IDS: variants seen among roughly 807,000 people sequenced by gnomAD.
The protein encoded by IDS is iduronate 2-sulfatase, also known as alpha-L-iduronate sulfate sulfatase.
IDS carries 1 observed loss-of-function variant against 33.5 expected under a neutral mutation model. That is an observed-to-expected ratio of 0.03 (90% CI 0.01 to 0.14). The LOEUF is 0.14. IDS is among the 10% of genes least tolerant of loss of function. The pLI, the probability that IDS is intolerant of heterozygous loss-of-function variation, is 1.00. For synonymous variants in IDS, 191 were observed against 184.4 expected (o/e 1.04, Z -0.29); for missense variants, 328 against 448.0 (o/e 0.73, Z 2.42).
At chrX:149,500,888 T>C in intron 4 of IDS, 61 bp downstream of exon 4, 1 of 698,123 alleles carries the variant, frequency 1.4e-6, no homozygotes, top group Non-Finnish European at 2.3e-6. Flanking sequence ...GTATACCCAG[T>C]AGTTTATGTG....
At chrX:149,496,572 T>C in intron 5 of IDS, 56 bp from the exon 6 acceptor site, 2 of 1,140,172 alleles carry the variant, frequency 1.8e-6, no homozygotes, top group Non-Finnish European at 2.4e-6. Flanking sequence ...AAGCACAAGC[T>C]TGTGGCTCTA....
In IDS at chrX:149,498,298, C is replaced by T. The variant is rs144334959; in HGVS notation, c.517G>A (p.Gly173Arg). The change falls in exon 5 of 9, where the codon GGG (glycine) becomes AGG (arginine). Residue 173 changes from glycine (G) to arginine (R), a missense_variant. Around this residue, in one of 4 missense-constraint regions of IDS, gnomAD observed 265 missense variants for 339.2 expected, o/e 0.78. Coordinates refer to ENST00000340855, the MANE Select transcript of IDS (RefSeq NM_000202.8). ...TTGGCATGGAGTTCTCCATCTGGCC[C>T]TCGACATGTCTTTCAAAACAAAATA... ...EKYENTKTCR[G>R]PDGELHANLL... The T allele has an allele frequency of 7.5e-6, 9 of 1,207,021 alleles. No individual in the cohort carries two copies. The highest frequency in any genetic ancestry group is 7.0e-5 in the African/African-American group (4 of 57,190).
At position 149,481,367 on chromosome X, in the gene IDS, T is replaced by G. The variant is rs1557337419; in HGVS notation, c.*1379A>C. The G allele has an allele frequency of 1.8e-5, 2 of 112,632 alleles. No homozygotes were observed. The highest frequency in any genetic ancestry group is 6.5e-5 in the African/African-American group (2 of 30,959). 9.3% of individuals were successfully genotyped at this position (112,632 alleles called of 1,213,427 possible). A position where few individuals can be genotyped will look rare whatever the true frequency, so the allele number is the denominator to read the frequency against. On this transcript the variant is annotated 3_prime_UTR_variant, in exon 9 of 9. Coordinates refer to ENST00000340855, the MANE Select transcript of IDS (RefSeq NM_000202.8). ...TGTAGGCTAATTAATTTTTAAAATC[T>G]GTCTAAAATTTACTGATTTTAATAT...
intron 8 of IDS, among the ~76,000 whole-genome samples, chrX:149,485,204 G>T (rs1016183665): frequency 5.3e-5 from 6 of 112,215 alleles, no homozygotes; most frequent in African/African-American, 1.9e-4. Context: ...TACATAAGAG[G>T]CTCCTGTGCC....
chrX:149,487,330 A>G (rs781891610), intron 7 of IDS: 2 of 1,125,332 alleles, frequency 1.8e-6, no homozygotes, highest in South Asian at 1.8e-5. Flanking sequence ...AAAAGAAAAA[A>G]TAATTAAATT....
intron 6 of IDS, among the ~76,000 whole-genome samples, chrX:149,494,963 T>C (rs1398672048): frequency 9.0e-6 from 1 of 111,340 alleles, no homozygotes; most frequent in Non-Finnish European, 1.9e-5. Context: ...TGGGGATGAA[T>C]TGGCTCCACC....
At position 149,505,269 on chromosome X, in the gene IDS, C is replaced by A; in HGVS notation, c.-132G>T. On this transcript the variant is annotated 5_prime_UTR_variant, in exon 1 of 9. Transcript: ENST00000340855. ...GAAGACTGCGCAACACAGCCGCCGC[C>A]CGGGCCCGCAGGCCCGGGCGCTGGC... is the stretch of plus-strand genomic sequence containing the variant. 2.8e-6 allele frequency: 1 copy of A among 353,762 alleles called. No homozygotes were observed. The highest frequency in any genetic ancestry group is 4.7e-6 in the Non-Finnish European group (1 of 211,779). 29.2% of individuals were successfully genotyped at this position (353,762 alleles called of 1,213,427 possible).
At position 149,483,163 on chromosome X, in the gene IDS, T is replaced by C. The variant is rs782711044; in HGVS notation, c.1236A>G (p.Gly412=). The C allele has an allele frequency of 3.3e-6, 4 of 1,211,310 alleles. No individual in the cohort carries two copies. The highest frequency in any genetic ancestry group is 3.5e-5 in the South Asian group (2 of 56,969). The change falls in exon 9 of 9, where the codon GGA becomes GGG. Residue 412 remains glycine (G), a synonymous_variant. Transcript: ENST00000340855. Reference sequence around the variant, plus strand: ...GAGGTGGAACCTGCAGTCCTGCAAGTCCAGCCAGCGTGGGAAAAAGAGACA... The same window carrying C: ...GAGGTGGAACCTGCAGTCCTGCAAGCCCAGCCAGCGTGGGAAAAAGAGACA... ...ELVSLFPTLA[G]LAGLQVPPRC...
At chrX:149,484,424 T>C (rs1165125999) in intron 8 of IDS, among the ~76,000 whole-genome samples, 4 of 112,344 alleles carry the variant, frequency 3.6e-5, no homozygotes, top group African/African-American at 6.5e-5. Context: ...CAGGTTCAAG[T>C]GATTCTCCTG....
At position 149,491,448 on chromosome X, in the gene IDS, C is replaced by G. The variant is rs1433896612; in HGVS notation, c.880-1008G>C. The G allele has an allele frequency of 1.3e-5, 8 of 638,567 alleles. No individual in the cohort carries two copies. The East Asian group carries it at 6.1e-4, about 49-fold the overall frequency. The allele number at this position is 638,567 out of a possible 1,213,427, so 52.6% of individuals were successfully genotyped here. On this transcript the variant is annotated intron_variant, in intron 6 of 8. Transcript: ENST00000340855. ...CCCCAAAGAGGGGTGAGAAGAGAGC[C>G]GTGTCTTCGCAGACCAGCCCCTGAC...
At chrX:149,492,921 ACT>A (rs2089405340) in intron 6 of IDS, among the ~76,000 whole-genome samples, 1 of 108,826 alleles carries the variant, frequency 9.2e-6, no homozygotes, top group Non-Finnish European at 1.9e-5. Flanking sequence ...CCCAAGGGTG[ACT>A]CCAGGTTTCA....
At position 149,501,015 on chromosome X, in the gene IDS, A is replaced by G. The variant is rs782016642; in HGVS notation, c.441T>C (p.Asp147=). ...GAAAAGACCAGCTATACGGAGAATC[A>G]TCGGTATGGTTAGAAGATATCCCTT... The part of the protein sequence containing the change: ...FHPGISSNHT[D]DSPYSWSFPP... The change falls in exon 4 of 9, where the codon GAT becomes GAC. Residue 147 remains aspartate (D), a synonymous_variant. Transcript: ENST00000340855. 1.7e-6 allele frequency: 2 copies of G among 1,171,837 alleles called. No homozygotes were observed. Among genetic ancestry groups the G allele is most frequent in the Non-Finnish European group, 2.3e-6 (2 of 858,838 alleles).
In IDS at chrX:149,477,206, C is replaced by T. The variant is rs1431801565; in HGVS notation, c.*5540G>A. 1 of 112,349 alleles carries T rather than the reference C, an allele frequency of 8.9e-6. No individual in the cohort carries two copies. Among genetic ancestry groups the T allele is most frequent in the Non-Finnish European group, 1.9e-5 (1 of 53,249 alleles). 9.3% of individuals were successfully genotyped at this position (112,349 alleles called of 1,213,427 possible). ...GTAAATGGCAGCTTCAGTCCTACTC[C>T]AAACCTTCTCACCCATATAAATCAT... is the stretch of plus-strand genomic sequence containing the variant. On this transcript the variant is annotated 3_prime_UTR_variant, in exon 9 of 9. Transcript: ENST00000340855.
At position 149,483,072 on chromosome X, in the gene IDS, G is replaced by T. The variant is rs199422227; in HGVS notation, c.1327C>A (p.Arg443=). The change falls in exon 9 of 9, where the codon CGA becomes AGA. Residue 443 remains arginine (R), a synonymous_variant. Transcript: ENST00000340855. ...GGATCCTCTTCCAAGTCACGGAATCGAAAATGCTTCAGAAGGTTCTTGCCT... is the reference window on the plus strand; with the variant it reads ...GGATCCTCTTCCAAGTCACGGAATCTAAAATGCTTCAGAAGGTTCTTGCCT... The part of the protein sequence containing the change: ...REGKNLLKHF[R]FRDLEEDPYL... 8.3e-6 allele frequency: 10 copies of T among 1,205,102 alleles called. No individual in the cohort carries two copies. The highest frequency in any genetic ancestry group is 1.1e-5 in the Non-Finnish European group (10 of 891,783).
chrX:149,485,008 A>G (rs1211424382), intron 8 of IDS, among the ~76,000 whole-genome samples: 2 of 112,004 alleles, frequency 1.8e-5, no homozygotes, highest in Non-Finnish European at 3.8e-5. Flanking sequence ...ACAACAGCCC[A>G]TGTAGCACAC....
At chrX:149,500,802 A>G in intron 4 of IDS, 147 bp downstream of exon 4, 2 of 491,427 alleles carry the variant, frequency 4.1e-6, no homozygotes, top group Non-Finnish European at 7.3e-6. Flanking sequence ...AGATCCCAAC[A>G]CTTACTTCTG....
intron 8 of IDS, among the ~76,000 whole-genome samples, chrX:149,484,434 G>C (rs1557337806): frequency 8.9e-6 from 1 of 112,245 alleles, no homozygotes; most frequent in Non-Finnish European, 1.9e-5. Flanking sequence ...TGATTCTCCT[G>C]CCTCAGCCTC....
At chrX:149,504,361 G>A (rs1602749533) in intron 1 of IDS, 68 bp from the exon 2 acceptor site, 2 of 1,083,290 alleles carry the variant, frequency 1.8e-6, no homozygotes, top group Non-Finnish European at 2.5e-6. Context: ...CATGGTAGGT[G>A]CTAGGTTACT....
chrX:149,494,316 G>A (rs1445424982), intron 6 of IDS, among the ~76,000 whole-genome samples: 1 of 112,090 alleles, frequency 8.9e-6, no homozygotes, highest in Non-Finnish European at 1.9e-5. Flanking sequence ...ACAGGACCTG[G>A]ACACAAGGGG....
Sources: gnomAD v4.1 joint callset for allele counts (sites outside exome capture counted in the v4.1 genomes callset) on GRCh38, gnomAD v4.1.1 for gene constraint, gnomAD v4.1.1 regional missense constraint, MANE v1.5 for transcripts, NCBI Gene and HGNC (gene_info 2026-07-23, HGNC 2026-07-21) for gene names.